Variants in PRKCI observed in about 807,000 individuals in gnomAD.
PRKCI encodes the protein protein kinase C iota type.
PRKCI carries 43 observed loss-of-function variants against 84.0 expected under a neutral mutation model. The observed-to-expected ratio is 0.51, with a 90% CI of 0.40 to 0.66. PRKCI has a LOEUF of 0.66. Ranked by LOEUF, PRKCI falls within the 30% of genes least tolerant of loss-of-function variation. The pLI, the probability that PRKCI is intolerant of heterozygous loss-of-function variation, is 0.00. For missense variants in PRKCI, 459 were observed against 745.6 expected (o/e 0.62, Z 4.48); for synonymous variants, 216 against 234.4 (o/e 0.92, Z 0.72).
intron 12 of PRKCI, among the ~76,000 whole-genome samples, chr3:170,285,308 T>C (rs1381335302): frequency 6.6e-6 from 1 of 152,152 alleles, no homozygotes; most frequent in Non-Finnish European, 1.5e-5. Flanking sequence ...CTCAATCTCC[T>C]GATCTCATGA....
At chr3:170,256,397 G>T (rs1378570225) in intron 2 of PRKCI, among the ~76,000 whole-genome samples, 2 of 152,044 alleles carry the variant, frequency 1.3e-5, no homozygotes, top group African/African-American at 4.8e-5. Context: ...GTTCAATCTT[G>T]GTAGGTTGTA....
intron 2 of PRKCI, among the ~76,000 whole-genome samples, chr3:170,237,053 A>T (rs1188691615): frequency 1.3e-5 from 2 of 152,186 alleles, no homozygotes; most frequent in Non-Finnish European, 2.9e-5. Context: ...TCTATAATAC[A>T]TCTGCAATGT....
intron 1 of PRKCI, among the ~76,000 whole-genome samples, chr3:170,230,827 TTTC>T (rs1732768722): frequency 6.6e-6 from 1 of 152,214 alleles, no homozygotes; most frequent in Admixed American, 6.5e-5. Flanking sequence ...GCGTAGGTAC[TTTC>T]TATTGTTTCA....
At chr3:170,229,583 C>T (rs931717438) in intron 1 of PRKCI, among the ~76,000 whole-genome samples, 1 of 152,194 alleles carries the variant, frequency 6.6e-6, no homozygotes, top group Non-Finnish European at 1.5e-5. Flanking sequence ...AGGCATGAGC[C>T]ATTGCGCCCA....
intron 2 of PRKCI, among the ~76,000 whole-genome samples, chr3:170,251,258 TTCCAA>T (rs1733436362): frequency 6.6e-6 from 1 of 152,138 alleles, no homozygotes; most frequent in African/African-American, 2.4e-5. Context: ...TCTCCCAAAT[TTCCAA>T]CAGGATTTTA....
intron 1 of PRKCI, among the ~76,000 whole-genome samples, chr3:170,230,632 T>C (rs1252888728): frequency 6.6e-6 from 1 of 152,248 alleles, no homozygotes; most frequent in East Asian, 1.9e-4. Flanking sequence ...GCCTGGCTTA[T>C]TATGAAACTT....
At chr3:170,224,464 T>C (rs1732578735) in intron 1 of PRKCI, among the ~76,000 whole-genome samples, 1 of 152,082 alleles carries the variant, frequency 6.6e-6, no homozygotes, top group South Asian at 2.1e-4. Flanking sequence ...GCTTTTTTTT[T>C]TTTAAACCCT....
intron 6 of PRKCI, among the ~76,000 whole-genome samples, chr3:170,271,633 T>C (rs966875334): frequency 6.6e-6 from 1 of 152,228 alleles, no homozygotes; most frequent in African/African-American, 2.4e-5. Flanking sequence ...TCATTTACAC[T>C]GTTGTAAAAT....
intron 5 of PRKCI, among the ~76,000 whole-genome samples, chr3:170,269,246 C>T (rs531015808): frequency 4.7e-4 from 71 of 152,210 alleles, no homozygotes; most frequent in African/African-American, 1.5e-3. Flanking sequence ...TCTTGATAAC[C>T]GCAAATTTTT....
intron 2 of PRKCI, among the ~76,000 whole-genome samples, chr3:170,252,535 T>TTGTTGACTGTAATTACCC (rs1363819317): frequency 1.3e-5 from 2 of 152,172 alleles, no homozygotes; most frequent in Non-Finnish European, 2.9e-5. Context: ...ACAATAAATT[T>TTGTTGACTGTAATTACCC]TGTTGACTGT....
rs535383538 is a variant in PRKCI at position 170,291,571 on chromosome 3, C to T, written c.1204-283C>T. On this transcript the variant is annotated intron_variant, in intron 12 of 17. Coordinates refer to ENST00000295797, the MANE Select transcript of PRKCI (RefSeq NM_002740.6). The stretch of plus-strand genomic sequence containing the variant: ...AATTAGCTGGGTGTGTTGGTGCATG[C>T]CTGTAATTCCAGCTACTCAGGAGGC... 1.1e-4 allele frequency: 32 copies of T among 291,324 alleles called. 1 individual carries two copies. Among genetic ancestry groups the T allele is most frequent in the East Asian group, 1.1e-3 (15 of 13,880 alleles). The allele number at this position is 291,324 out of a possible 1,614,324, so 18.0% of individuals were successfully genotyped here.
intron 3 of PRKCI, 31 bp downstream of exon 3, chr3:170,260,089 G>T (rs1420298380): frequency 2.2e-6 from 3 of 1,379,298 alleles, no homozygotes; most frequent in East Asian, 2.3e-5. Flanking sequence ...TACTCGTCCA[G>T]ACTGATAATT....
Position 170,303,659 on chromosome 3 carries a change from CA to C in PRKCI, c.*533del, listed in dbSNP as rs377711012. On this transcript the variant is annotated 3_prime_UTR_variant, in exon 18 of 18. Coordinates refer to ENST00000295797, the MANE Select transcript of PRKCI (RefSeq NM_002740.6). ...AATAAATTATTGATCTTTTTTAAGG[CA>C]GCAGTTATTAAATTGGTAATAGAAG... is the stretch of plus-strand genomic sequence containing the variant. 1 of 222,418 alleles carries C rather than the reference CA, an allele frequency of 4.5e-6. No individual in the cohort carries two copies. Among genetic ancestry groups the C allele is most frequent in the Non-Finnish European group, 9.0e-6 (1 of 111,282 alleles). The allele number at this position is 222,418 out of a possible 1,614,324, so 13.8% of individuals were successfully genotyped here.
intron 12 of PRKCI, among the ~76,000 whole-genome samples, chr3:170,287,557 A>AT (rs1024885834): frequency 9.3e-4 from 141 of 152,044 alleles, no homozygotes; most frequent in African/African-American, 3.4e-3. Context: ...ATGCATTTTA[A>AT]TAACATTTTA....
chr3:170,253,804 T>A (rs971977070), intron 2 of PRKCI, among the ~76,000 whole-genome samples: 4 of 140,666 alleles, frequency 2.8e-5, no homozygotes, highest in Admixed American at 1.4e-4. Context: ...TAAAAAAAAA[T>A]GTCTATTCAG....
At position 170,281,690 on chromosome 3, in the gene PRKCI, A is replaced by G. The variant is rs906057117; in HGVS notation, c.981-192A>G. The G allele has an allele frequency of 1.1e-5, 7 of 641,574 alleles. No individual in the cohort carries two copies. In the Admixed American group the frequency reaches 2.8e-4, roughly 25 times the overall value. The allele number at this position is 641,574 out of a possible 1,614,324, so 39.7% of individuals were successfully genotyped here. A position where few individuals can be genotyped will look rare whatever the true frequency, so the allele number is the denominator to read the frequency against. On this transcript the variant is annotated intron_variant, in intron 10 of 17. Transcript: ENST00000295797. ...TTTAGAACAGAAGTAGTAGGTTACAAAATTATTATCATGCTGGTTTACTTT... is the reference window on the plus strand; with the variant it reads ...TTTAGAACAGAAGTAGTAGGTTACAGAATTATTATCATGCTGGTTTACTTT...
chr3:170,230,789 C>T (rs1327294925), intron 1 of PRKCI, among the ~76,000 whole-genome samples: 1 of 151,982 alleles, frequency 6.6e-6, no homozygotes, highest in African/African-American at 2.4e-5. Flanking sequence ...AATGGTAACT[C>T]TGTTATGTAC....
At chr3:170,265,225 A>G (rs1003293118) in intron 4 of PRKCI, among the ~76,000 whole-genome samples, 3 of 151,944 alleles carry the variant, frequency 2.0e-5, no homozygotes, top group African/African-American at 7.3e-5. Context: ...ACTCCAATCT[A>G]CGTGATTCAT....
chr3:170,244,364 G>T (rs947732586), intron 2 of PRKCI, among the ~76,000 whole-genome samples: 5 of 152,070 alleles, frequency 3.3e-5, no homozygotes, highest in Admixed American at 6.6e-5. Flanking sequence ...CTTAGGTAAT[G>T]GGACCCCCTT....
Sources: allele counts gnomAD v4.1 joint callset (sites outside exome capture counted in the v4.1 genomes callset), GRCh38; gene constraint gnomAD v4.1.1; transcripts MANE v1.5; gene names NCBI Gene and HGNC (gene_info 2026-07-23, HGNC 2026-07-21).